B4GALNT4: variants seen among roughly 807,000 people sequenced by gnomAD.
B4GALNT4 encodes N-acetyl-beta-glucosaminyl-glycoprotein 4-beta-N-acetylgalactosaminyltransferase 1.
B4GALNT4 carries 77 observed loss-of-function variants against 110.0 expected under a neutral mutation model. The observed-to-expected ratio is 0.70, with a 90% CI of 0.58 to 0.85. The LOEUF is 0.85. B4GALNT4 is among the 40% of genes least tolerant of loss of function. B4GALNT4 has a pLI of 0.00. For missense variants in B4GALNT4, 1,575 were observed against 1,506.0 expected (o/e 1.05, Z -0.76); for synonymous variants, 785 against 655.5 (o/e 1.20, Z -3.02).
chr11:375,740 C>A lies in B4GALNT4; in HGVS notation c.952C>A (p.Leu318Met). The A allele has an allele frequency of 6.3e-7, 1 of 1,596,384 alleles. No homozygotes were observed. Among genetic ancestry groups the A allele is most frequent in the Non-Finnish European group, 8.5e-7 (1 of 1,175,230 alleles). ...GCAGGAGGAGACCAGCGCAGACATG[C>A]TGCGGCCAGATCCCAGGGATACCTT... Reference protein sequence around the residue: ...PPQEETSADMLRPDPRDTFFL... With the variant: ...PPQEETSADMMRPDPRDTFFL... The change falls in exon 10 of 20, where the codon CTG (leucine) becomes ATG (methionine). Residue 318 changes from leucine (L) to methionine (M), a missense_variant. Coordinates refer to ENST00000329962, the MANE Select transcript of B4GALNT4 (RefSeq NM_178537.5).
In B4GALNT4 at chr11:375,444, C is replaced by A; in HGVS notation, c.784-17C>A. ...GCCACCGCCCTGTCCCTGACCCCCACCCTCTCTGCCCCGCAGTGGCGAGCT... is the reference window on the plus strand; with the variant it reads ...GCCACCGCCCTGTCCCTGACCCCCAACCTCTCTGCCCCGCAGTGGCGAGCT... On this transcript the variant is annotated splice_polypyrimidine_tract_variant and intron_variant, in intron 8 of 19. Coordinates refer to ENST00000329962, the MANE Select transcript of B4GALNT4 (RefSeq NM_178537.5). 6.2e-7 allele frequency: 1 copy of A among 1,611,250 alleles called. No homozygotes were observed. The highest frequency in any genetic ancestry group is 8.5e-7 in the Non-Finnish European group (1 of 1,179,732).
rs1184356823 is a variant in B4GALNT4 at position 369,830 on chromosome 11, C to G, written c.27C>G (p.Ile9Met). The change falls in exon 1 of 20, where the codon ATC (isoleucine) becomes ATG (methionine). Residue 9 changes from isoleucine (I) to methionine (M), a missense_variant. Coordinates refer to ENST00000329962, the MANE Select transcript of B4GALNT4 (RefSeq NM_178537.5). MPRLPVKK[I>M]RKQMKLLLLL... ...TGCCGCGGCTCCCGGTGAAGAAGAT[C>G]CGTAAGCAGATGAAGCTGCTGCTGC... The G allele has an allele frequency of 2.0e-6, 2 of 987,330 alleles. No individual in the cohort carries two copies. The highest frequency in any genetic ancestry group is 1.8e-5 in the African/African-American group (1 of 56,512). 61.2% of individuals were successfully genotyped at this position (987,330 alleles called of 1,614,324 possible).
Position 376,607 on chromosome 11 carries a change from G to T in B4GALNT4, c.1484G>T (p.Ser495Ile), listed in dbSNP as rs1242135679. Residue 495 changes from serine to isoleucine, a missense_variant, in exon 14 of 20, where the codon AGC becomes ATC. Ser to Ile is a moderately radical substitution (Grantham distance 142, BLOSUM62 -2). Coordinates refer to ENST00000329962, the MANE Select transcript of B4GALNT4 (RefSeq NM_178537.5). ...GGTPRHSRAL[S>I]WAARAARPLP... ...ACCCCCAGGCACTCCCGGGCCCTGAGCTGGGCCGCCAGGGCCGCCCGCCCT... is the reference window on the plus strand; with the variant it reads ...ACCCCCAGGCACTCCCGGGCCCTGATCTGGGCCGCCAGGGCCGCCCGCCCT... 1.4e-6 allele frequency: 2 copies of T among 1,394,302 alleles called. No homozygotes were observed. The highest frequency in any genetic ancestry group is 1.9e-6 in the Non-Finnish European group (2 of 1,076,750). 86.4% of individuals were successfully genotyped at this position (1,394,302 alleles called of 1,614,324 possible).
In B4GALNT4 at chr11:376,595, C is replaced by A; in HGVS notation, c.1472C>A (p.Ser491Tyr). The change falls in exon 14 of 20, where the codon TCC becomes TAC. Residue 491 changes from serine to tyrosine, a missense_variant. Coordinates refer to ENST00000329962, the MANE Select transcript of B4GALNT4 (RefSeq NM_178537.5). ...CGGGACGGGGGGACCCCCAGGCACT[C>A]CCGGGCCCTGAGCTGGGCCGCCAGG... ...RPRDGGTPRHSRALSWAARAA... is the reference protein window; with the variant it reads ...RPRDGGTPRHYRALSWAARAA... 7.2e-7 allele frequency: 1 copy of A among 1,382,834 alleles called. No individual in the cohort carries two copies. Among genetic ancestry groups the A allele is most frequent in the Non-Finnish European group, 9.3e-7 (1 of 1,073,194 alleles). 85.7% of individuals were successfully genotyped at this position (1,382,834 alleles called of 1,614,324 possible).
At chr11:374,570 C>T (rs1846686579) in intron 8 of B4GALNT4, among the ~76,000 whole-genome samples, 1 of 121,998 alleles carries the variant, frequency 8.2e-6, no homozygotes, top group Non-Finnish European at 1.8e-5. Context: ...CCCTGGAGCC[C>T]CAACTTGGTG....
At position 373,070 on chromosome 11, in the gene B4GALNT4, G is replaced by A. The variant is rs748288089; in HGVS notation, c.489G>A (p.Lys163=). 3 of 1,612,478 alleles carry A rather than the reference G, an allele frequency of 1.9e-6. No homozygotes were observed. The highest frequency in any genetic ancestry group is 2.5e-6 in the Non-Finnish European group (3 of 1,179,878). The stretch of plus-strand genomic sequence containing the variant: ...AGTTGGCCGTGTCCCCCAAGTGGAA[G>A]AACTATGGACTCCGTATTTTTGGTT... The part of the protein sequence containing the change: ...VKKLAVSPKW[K]NYGLRIFGFI... Residue 163 remains lysine, a synonymous_variant, in exon 5 of 20, where the codon AAG becomes AAA. Transcript: ENST00000329962.
Position 379,599 on chromosome 11 carries a change from C to T in B4GALNT4, c.2386C>T (p.Pro796Ser), listed in dbSNP as rs1410808646. 3.8e-6 allele frequency: 6 copies of T among 1,559,668 alleles called. No homozygotes were observed. The highest frequency in any genetic ancestry group is 2.3e-5 in the East Asian group (1 of 42,914). Residue 796 changes from proline to serine, a missense_variant, in exon 15 of 20, where the codon CCC becomes TCC. Coordinates refer to ENST00000329962, the MANE Select transcript of B4GALNT4 (RefSeq NM_178537.5). ...VGDADGESPEPAPAASVRPDG... is the reference protein window; with the variant it reads ...VGDADGESPESAPAASVRPDG... ...GGATGCAGACGGAGAAAGTCCCGAA[C>T]CCGCTCCCGCCGCCTCCGTGCGCCC...
At chr11:381,076 C>A in intron 19 of B4GALNT4, 125 bp downstream of exon 19, 1 of 1,478,244 alleles carries the variant, frequency 6.8e-7, no homozygotes, top group Non-Finnish European at 8.9e-7. Flanking sequence ...CCTTCCCGGT[C>A]TTCCCAGTAT....
At position 380,001 on chromosome 11, in the gene B4GALNT4, GCGCCGC is replaced by G; in HGVS notation, c.2625_2630del (p.Ala876_Ala877del). 6.2e-7 allele frequency: 1 copy of G among 1,612,642 alleles called. No homozygotes were observed. Among genetic ancestry groups the G allele is most frequent in the South Asian group, 1.1e-5 (1 of 91,022 alleles). On this transcript the variant is annotated inframe_deletion, in exon 16 of 20. Transcript: ENST00000329962. The stretch of plus-strand genomic sequence containing the variant: ...GATATGGACGTGGAGCGGGCCCTGC[GCGCCGC>G]GCGCCTGCCCCGGTAACGACCCCTA...
Position 377,013 on chromosome 11 carries a change from C to T in B4GALNT4, c.1890C>T (p.Ser630=). The T allele has an allele frequency of 2.1e-6, 3 of 1,448,582 alleles. No homozygotes were observed. The highest frequency in any genetic ancestry group is 2.7e-6 in the Non-Finnish European group (3 of 1,105,564). The allele number at this position is 1,448,582 out of a possible 1,614,324, so 89.7% of individuals were successfully genotyped here. A position where few individuals can be genotyped will look rare whatever the true frequency, so the allele number is the denominator to read the frequency against. ...SEARPVTSFL[S]LSQVSGPQLP... is the part of the protein sequence containing the mutation. The stretch of plus-strand genomic sequence containing the variant: ...CGCGGCCCGTGACCTCCTTCCTGAG[C>T]TTGTCCCAGGTGTCCGGGCCGCAGC... Residue 630 remains serine (S), a synonymous_variant, in exon 14 of 20, where the codon AGC becomes AGT. Coordinates refer to ENST00000329962, the MANE Select transcript of B4GALNT4 (RefSeq NM_178537.5).
chr11:369,662 C>A lies in B4GALNT4; in HGVS notation c.-142C>A. The A allele has an allele frequency of 3.0e-6, 1 of 328,862 alleles. No individual in the cohort carries two copies. The highest frequency in any genetic ancestry group is 4.3e-6 in the Non-Finnish European group (1 of 234,304). 20.4% of individuals were successfully genotyped at this position (328,862 alleles called of 1,614,324 possible). Reference sequence around the variant, plus strand: ...GGGGGTCGCGGCCGCACCCGGTGGCCGCGCACGGCGGACAAAGGACCATGC... The same window carrying A: ...GGGGGTCGCGGCCGCACCCGGTGGCAGCGCACGGCGGACAAAGGACCATGC... On this transcript the variant is annotated 5_prime_UTR_variant, in exon 1 of 20. Transcript: ENST00000329962.
chr11:377,661 G>A (rs775265413), intron 14 of B4GALNT4, among the ~76,000 whole-genome samples: 11 of 152,230 alleles, frequency 7.2e-5, no homozygotes, highest in African/African-American at 2.4e-4. Flanking sequence ...AGCGTCAGTC[G>A]CATCCAGTTG....
intron 3 of B4GALNT4, 31 bp from the exon 4 acceptor site, chr11:372,821 C>G (rs776902717): frequency 6.4e-7 from 1 of 1,565,474 alleles, no homozygotes; most frequent in Non-Finnish European, 8.6e-7. Flanking sequence ...GGCGGCGGGC[C>G]GTGCAGAAGG....
At position 376,742 on chromosome 11, in the gene B4GALNT4, C is replaced by T; in HGVS notation, c.1619C>T (p.Ala540Val). 1 of 1,394,440 alleles carries T rather than the reference C, an allele frequency of 7.2e-7. No homozygotes were observed. The highest frequency in any genetic ancestry group is 9.3e-7 in the Non-Finnish European group (1 of 1,079,376). 86.4% of individuals were successfully genotyped at this position (1,394,440 alleles called of 1,614,324 possible). A position where few individuals can be genotyped will look rare whatever the true frequency, so the allele number is the denominator to read the frequency against. Residue 540 changes from alanine to valine, a missense_variant, in exon 14 of 20, where the codon GCC becomes GTC. Ala to Val is a moderately conservative substitution (Grantham distance 64). Coordinates refer to ENST00000329962, the MANE Select transcript of B4GALNT4 (RefSeq NM_178537.5). ...VRPGQRASPR[A>V]PAPRAPWPPF... ...CCGGGACAGCGGGCATCCCCCCGGGCCCCAGCGCCGCGTGCGCCCTGGCCG... is the reference window on the plus strand; with the variant it reads ...CCGGGACAGCGGGCATCCCCCCGGGTCCCAGCGCCGCGTGCGCCCTGGCCG...
intron 8 of B4GALNT4, 27 bp from the exon 9 acceptor site, chr11:375,434 C>G: frequency 1.2e-6 from 2 of 1,610,748 alleles, no homozygotes; most frequent in Non-Finnish European, 8.5e-7. Flanking sequence ...CGCCCTGTCC[C>G]TGACCCCCAC....
intron 14 of B4GALNT4, among the ~76,000 whole-genome samples, chr11:378,593 G>C (rs1381666510): frequency 6.6e-6 from 1 of 152,214 alleles, no homozygotes; most frequent in Non-Finnish European, 1.5e-5. Flanking sequence ...ACACAGGTGG[G>C]CGTCCCCCAG....
chr11:377,118 G>C lies in B4GALNT4; in HGVS notation c.1995G>C (p.Glu665Asp). 6.7e-7 allele frequency: 1 copy of C among 1,492,418 alleles called. No homozygotes were observed. Among genetic ancestry groups the C allele is most frequent in the Non-Finnish European group, 8.9e-7 (1 of 1,121,946 alleles). The allele number at this position is 1,492,418 out of a possible 1,614,324, so 92.4% of individuals were successfully genotyped here. A position where few individuals can be genotyped will look rare whatever the true frequency, so the allele number is the denominator to read the frequency against. ...PGDEAASEDS[E>D]EAAGPALGRW... is the part of the protein sequence containing the mutation. ...ACGAGGCCGCGTCGGAGGACAGCGA[G>C]GAGGCCGCGGGCCCGGCGCTCGGAC... Residue 665 changes from glutamate (E) to aspartate (D), a missense_variant, in exon 14 of 20, where the codon GAG becomes GAC. Transcript: ENST00000329962.
chr11:376,083 T>G lies in B4GALNT4; in HGVS notation c.1105T>G (p.Ser369Ala). ...CCCCCCCACCCCCCAGGTGTACCTGTCCTTCGTTTATCCCAACGACTACAC... is the reference window on the plus strand; with the variant it reads ...CCCCCCCACCCCCCAGGTGTACCTGGCCTTCGTTTATCCCAACGACTACAC... ...RYQGLQFVYLSFVYPNDYTRL... is the reference protein window; with the variant it reads ...RYQGLQFVYLAFVYPNDYTRL... The change falls in exon 12 of 20, where the codon TCC (serine) becomes GCC (alanine). Residue 369 changes from serine (S) to alanine (A), a missense_variant. Transcript: ENST00000329962. 1 of 1,582,660 alleles carries G rather than the reference T, an allele frequency of 6.3e-7. No homozygotes were observed. The highest frequency in any genetic ancestry group is 1.1e-5 in the South Asian group (1 of 90,452).
At chr11:380,734 G>C (rs1008196769) in intron 18 of B4GALNT4, 91 bp from the exon 19 acceptor site, 6 of 1,600,466 alleles carry the variant, frequency 3.7e-6, no homozygotes, top group Non-Finnish European at 5.1e-6. Flanking sequence ...CCCGGCACCT[G>C]ACCCCTCCCG....
Sources: gnomAD v4.1 joint callset for allele counts (sites outside exome capture counted in the v4.1 genomes callset) on GRCh38, gnomAD v4.1.1 for gene constraint, MANE v1.5 for transcripts, NCBI Gene and HGNC (gene_info 2026-07-23, HGNC 2026-07-21) for gene names.